PCDH15: variants seen among roughly 807,000 people sequenced by gnomAD.
PCDH15 encodes the protein protocadherin related 15.
Under a neutral mutation model 178.5 loss-of-function variants are expected in PCDH15, and 129 were observed. The ratio of observed to expected loss-of-function variants is 0.72; its 90% CI spans 0.63 to 0.84. The LOEUF is 0.84. Among genes scored for constraint, PCDH15 ranks in the 40% least tolerant of loss-of-function variants. The pLI, the probability that PCDH15 is intolerant of heterozygous loss-of-function variation, is 0.00. For missense variants in PCDH15, 2,230 were observed against 2,099.9 expected (o/e 1.06, Z -1.21); for synonymous variants, 800 against 732.0 (o/e 1.09, Z -1.50).
chr10:53,990,658 T>C (rs2091410030), intron 21 of PCDH15, among the ~76,000 whole-genome samples: 1 of 151,880 alleles, frequency 6.6e-6, no homozygotes, highest in African/African-American at 2.4e-5. Flanking sequence ...AACATGCTGG[T>C]GGCCCTCACT....
intron 33 of PCDH15, chr10:53,818,258 T>C (rs2076135324): frequency 3.1e-6 from 1 of 323,710 alleles, no homozygotes; most frequent in East Asian, 4.6e-5. Context: ...CAACAAAACA[T>C]GCAAAATCTA....
intron 3 of PCDH15, among the ~76,000 whole-genome samples, chr10:54,379,902 G>A (rs574985332): frequency 3.9e-5 from 6 of 151,980 alleles, no homozygotes; most frequent in African/African-American, 1.4e-4. Flanking sequence ...AGAACACATC[G>A]CCTTAGGACA....
At chr10:55,622,004 TG>T (rs1392788499) in intron 2 of PCDH15, among the ~76,000 whole-genome samples, 1 of 142,960 alleles carries the variant, frequency 7.0e-6, no homozygotes, top group Non-Finnish European at 1.5e-5. Context: ...TATTTATATA[TG>T]TATATATAAT....
rs12218165 is a variant in PCDH15, at chr10:54,775,191, A to T, written c.-29+25734T>A. Among the ~76,000 whole-genome samples, 709 of 152,316 alleles carry T rather than the reference A, an allele frequency of 4.7e-3. 16 individuals carry two copies. The East Asian group carries it at 0.055, about 12-fold the overall frequency. On this transcript the variant is annotated intron_variant, in intron 1 of 37. Transcript: ENST00000644397. ...TGTGGTAATAAATACCTGTGGGAAAATCTTAAGTTGAAGAATAATCCTGGA... is the reference window on the plus strand; with the variant it reads ...TGTGGTAATAAATACCTGTGGGAAATTCTTAAGTTGAAGAATAATCCTGGA...
intron 31 of PCDH15, 144 bp downstream of exon 31, chr10:53,828,421 A>T (rs1588973432): frequency 1.4e-6 from 1 of 704,586 alleles, no homozygotes; most frequent in Non-Finnish European, 2.5e-6. Context: ...AATTCTATAT[A>T]TATCAAACCA....
chr10:55,002,934 G>T lies in PCDH15; in HGVS notation c.-79-105434C>A, dbSNP rs553508091. ...AGCAACTTTAAAAAAGTTATAAAAG[G>T]TTTATGAAATTCTTACCTTATGGTC... On this transcript the variant is annotated intron_variant, in intron 2 of 5. Transcript: ENST00000458638. Among the ~76,000 whole-genome samples, 4 of 152,270 alleles carry T rather than the reference G, an allele frequency of 2.6e-5. No individual in the cohort carries two copies. In the South Asian group the frequency reaches 8.3e-4, roughly 32 times the overall value.
chr10:55,498,612 A>T (rs1414414717), intron 2 of PCDH15, among the ~76,000 whole-genome samples: 2 of 151,860 alleles, frequency 1.3e-5, no homozygotes, highest in Non-Finnish European at 2.9e-5. Flanking sequence ...ACTGAGTCAT[A>T]CTATGCCAAG....
intron 1 of PCDH15, among the ~76,000 whole-genome samples, chr10:55,227,833 G>A (rs538410095): frequency 2.6e-5 from 4 of 152,104 alleles, no homozygotes; most frequent in Admixed American, 6.5e-5. Flanking sequence ...AATGTTTGTC[G>A]AAGAGAAGGA....
At chr10:54,108,990 G>T (rs2094965469) in intron 15 of PCDH15, among the ~76,000 whole-genome samples, 1 of 152,012 alleles carries the variant, frequency 6.6e-6, no homozygotes, top group Non-Finnish European at 1.5e-5. Context: ...AAAAACCTTG[G>T]TCCCTGAATA....
At chr10:54,481,169 T>C (rs2078690046) in intron 3 of PCDH15, among the ~76,000 whole-genome samples, 1 of 151,940 alleles carries the variant, frequency 6.6e-6, no homozygotes, top group African/African-American at 2.4e-5. Flanking sequence ...CACAGTCATA[T>C]AGTTCATGCT....
chr10:53,934,500 A>T (rs2085382693), intron 25 of PCDH15, among the ~76,000 whole-genome samples: 1 of 151,946 alleles, frequency 6.6e-6, no homozygotes, highest in South Asian at 2.1e-4. Flanking sequence ...CAGGAGGCTG[A>T]GGCAGGAGAA....
chr10:55,529,093 ATTTG>A (rs1403015286), intron 2 of PCDH15, among the ~76,000 whole-genome samples: 1 of 151,756 alleles, frequency 6.6e-6, no homozygotes, highest in Non-Finnish European at 1.5e-5. Flanking sequence ...TTTCTTGTAA[ATTTG>A]TTTGAGTTCT....
At chr10:54,468,303 A>T (rs189837015) in intron 3 of PCDH15, among the ~76,000 whole-genome samples, 3 of 151,276 alleles carry the variant, frequency 2.0e-5, no homozygotes, top group South Asian at 2.1e-4. Context: ...ATTGCTAAAA[A>T]CTTTCCTCTT....
chr10:55,147,925 G>C (rs541225367), intron 2 of PCDH15, among the ~76,000 whole-genome samples: 1 of 150,910 alleles, frequency 6.6e-6, no homozygotes, highest in Non-Finnish European at 1.5e-5. Context: ...TATTTCATTT[G>C]CTTCTCCCTT....
At chr10:54,955,081 G>C (rs1838447558) in intron 2 of PCDH15, among the ~76,000 whole-genome samples, 1 of 151,082 alleles carries the variant, frequency 6.6e-6, no homozygotes, top group Non-Finnish European at 1.5e-5. Flanking sequence ...TTGTCCAATA[G>C]TGAATTGTTT....
intron 2 of PCDH15, among the ~76,000 whole-genome samples, chr10:55,547,220 CAG>C (rs1473638847): frequency 1.3e-5 from 2 of 152,100 alleles, no homozygotes; most frequent in African/African-American, 2.4e-5. Flanking sequence ...GAAGGCATAT[CAG>C]AGAGGATCCC....
At chr10:54,632,613 T>C (rs539628530) in intron 2 of PCDH15, among the ~76,000 whole-genome samples, 9 of 152,250 alleles carry the variant, frequency 5.9e-5, no homozygotes, top group African/African-American at 2.2e-4. Context: ...GCTAAAATTT[T>C]AATTAACAAT....
Position 55,235,282 on chromosome 10 carries a change from C to T in PCDH15, c.-155-68631G>A, listed in dbSNP as rs1032668957. Among the ~76,000 whole-genome samples the T allele has an allele frequency of 4.6e-5, 7 of 152,006 alleles. 1 individual carries two copies. Among genetic ancestry groups the T allele is most frequent in the African/African-American group, 1.7e-4 (7 of 41,338 alleles). ...GTTAGACTCAGTCAAGTCCAAGACC[C>T]TCCTTTTTCTTTCTCTTTGCCTCAT... is the stretch of plus-strand genomic sequence containing the variant. On this transcript the variant is annotated intron_variant, in intron 1 of 5. Transcript: ENST00000458638.
chr10:54,348,993 T>C (rs1166065761), intron 5 of PCDH15, among the ~76,000 whole-genome samples: 1 of 152,184 alleles, frequency 6.6e-6, no homozygotes, highest in Non-Finnish European at 1.5e-5. Flanking sequence ...TTTCAAACTG[T>C]GAAATTTTAT....
Sources: gnomAD v4.1 joint callset for allele counts (sites outside exome capture counted in the v4.1 genomes callset) on GRCh38, gnomAD v4.1.1 for gene constraint, MANE v1.5 for transcripts, NCBI Gene and HGNC (gene_info 2026-07-23, HGNC 2026-07-21) for gene names.